The following SNTB1 variants were observed in gnomAD, a reference collection of about 807,000 sequenced individuals.
SNTB1 encodes syntrophin beta 1.
In SNTB1, 36 loss-of-function variants were observed where a neutral mutation model predicts 48.9. The ratio of observed to expected loss-of-function variants is 0.74; its 90% confidence interval spans 0.56 to 0.97. SNTB1 has a LOEUF of 0.97. Ranked by LOEUF, SNTB1 falls within the 50% of genes least tolerant of loss-of-function variation. The probability of loss-of-function intolerance (pLI) is 0.00; values close to 1 mark genes in which losing one functional copy is unlikely to be tolerated. For missense variants in SNTB1, 786 were observed against 703.4 expected, an observed-to-expected ratio of 1.12 and a Z score of -1.33; for synonymous variants, 299 against 294.6, an observed-to-expected ratio of 1.01 and a Z score of -0.15.
intron 2 of SNTB1, among the ~76,000 whole-genome samples, chr8:120,672,457 C>T (rs1183386304): frequency 6.6e-6 from 1 of 152,220 alleles, no homozygotes; most frequent in African/African-American, 2.4e-5. Context: ...CAAAGAATGA[C>T]TTTCAAGGTC....
intron 2 of SNTB1, among the ~76,000 whole-genome samples, chr8:120,648,735 T>A (rs1317852877): frequency 1.3e-5 from 2 of 152,190 alleles, no homozygotes; most frequent in Non-Finnish European, 2.9e-5. Context: ...TTAGGGAAGT[T>A]CTCCTGGATA....
rs79842547 is a variant in SNTB1, at chr8:120,782,577, G to A, written c.571+28696C>T. Among the ~76,000 whole-genome samples the A allele has an allele frequency of 6.8e-3, 1,033 of 151,940 alleles. 12 individuals are homozygous for A. Among genetic ancestry groups the A allele is most frequent in the Non-Finnish European group, 7.2e-3 (490 of 67,958 alleles). On this transcript the variant is annotated intron_variant, in intron 1 of 6. Transcript: ENST00000517992. ...CAGAATGTAATAATAATTTAAATTA[G>A]GCATAAATATGTATACATACATACC...
Position 120,711,081 on chromosome 8 carries a change from G to A in SNTB1, c.572-17173C>T, listed in dbSNP as rs1278614732. On this transcript the variant is annotated intron_variant, in intron 1 of 6. Coordinates refer to ENST00000517992, the MANE Select transcript of SNTB1 (RefSeq NM_021021.4). ...AAACAAAACAAAACCCTACTTTTTGGTGTTGTCTGTGGTAGAACATTGAAA... is the reference window on the plus strand; with the variant it reads ...AAACAAAACAAAACCCTACTTTTTGATGTTGTCTGTGGTAGAACATTGAAA... Among the ~76,000 whole-genome samples the A allele has an allele frequency of 3.3e-5, 5 of 152,158 alleles. No individual in the cohort carries two copies. The East Asian group carries it at 9.7e-4, about 29-fold the overall frequency.
intron 2 of SNTB1, among the ~76,000 whole-genome samples, chr8:120,681,480 T>C (rs1817929984): frequency 6.6e-6 from 1 of 152,146 alleles, no homozygotes; most frequent in Non-Finnish European, 1.5e-5. Context: ...ACAACCTGCA[T>C]GGGCTCAGAA....
chr8:120,540,826 G>A (rs1394265513), intron 6 of SNTB1, among the ~76,000 whole-genome samples: 2 of 152,146 alleles, frequency 1.3e-5, no homozygotes, highest in African/African-American at 4.8e-5. Flanking sequence ...CAAGAAACCT[G>A]GTACTGTCTT....
At chr8:120,605,848 T>C (rs1253945655) in intron 3 of SNTB1, among the ~76,000 whole-genome samples, 1 of 152,126 alleles carries the variant, frequency 6.6e-6, no homozygotes, top group Admixed American at 6.6e-5. Context: ...AAGTGAATGA[T>C]GAAAAGGTGC....
chr8:120,638,632 C>T (rs1363340569), intron 2 of SNTB1, among the ~76,000 whole-genome samples: 1 of 152,092 alleles, frequency 6.6e-6, no homozygotes, highest in African/African-American at 2.4e-5. Flanking sequence ...GTTCAATTCC[C>T]ACCTATGAGT....
chr8:120,657,449 T>G (rs1817521006), intron 2 of SNTB1, among the ~76,000 whole-genome samples: 1 of 152,194 alleles, frequency 6.6e-6, no homozygotes, highest in Admixed American at 6.5e-5. Context: ...GAGGCCTCAT[T>G]CCAGGCTCAT....
At chr8:120,808,046 C>T (rs1215880176) in intron 1 of SNTB1, among the ~76,000 whole-genome samples, 1 of 152,066 alleles carries the variant, frequency 6.6e-6, no homozygotes, top group Admixed American at 6.5e-5. Flanking sequence ...TCCCCAGTAG[C>T]TGAGGTTACA....
At chr8:120,682,506 C>T (rs1209720858) in intron 2 of SNTB1, among the ~76,000 whole-genome samples, 1 of 152,230 alleles carries the variant, frequency 6.6e-6, no homozygotes, top group Non-Finnish European at 1.5e-5. Context: ...TGAACTTCTC[C>T]TTCCCAACCA....
intron 2 of SNTB1, among the ~76,000 whole-genome samples, chr8:120,661,590 A>T (rs1179591793): frequency 3.3e-5 from 5 of 152,148 alleles, no homozygotes; most frequent in Admixed American, 2.6e-4. Context: ...TCAACCCGTC[A>T]TCTAGGTTTT....
chr8:120,615,699 CTT>C (rs1439488710), intron 3 of SNTB1, among the ~76,000 whole-genome samples: 1 of 152,222 alleles, frequency 6.6e-6, no homozygotes, highest in Admixed American at 6.6e-5. Flanking sequence ...AAGCAAGTCT[CTT>C]TAAGTGCAAA....
intron 1 of SNTB1, 49 bp downstream of exon 1, chr8:120,811,224 A>G (rs889621017): frequency 6.5e-7 from 1 of 1,537,732 alleles, no homozygotes; most frequent in Non-Finnish European, 8.7e-7. Flanking sequence ...TGGGAAGCCG[A>G]GCAGGTGTGT....
At chr8:120,674,955 T>A (rs1817811484) in intron 2 of SNTB1, among the ~76,000 whole-genome samples, 1 of 152,228 alleles carries the variant, frequency 6.6e-6, no homozygotes, top group Non-Finnish European at 1.5e-5. Context: ...ATGCTACAGT[T>A]ACACTTAGTT....
At position 120,588,007 on chromosome 8, in the gene SNTB1, T is replaced by G. The variant is rs1329992987; in HGVS notation, c.997-12782A>C. 2.0e-5 allele frequency among the ~76,000 whole-genome samples: 3 copies of G among 152,202 alleles called. No homozygotes were observed. In the East Asian group the frequency reaches 5.8e-4, roughly 29 times the overall value. ...CTGATATGCAGAAATTGACAATTTT[T>G]TTAAAAAAGCTATCTTTTGAAAGGG... On this transcript the variant is annotated intron_variant, in intron 3 of 6. Coordinates refer to ENST00000517992, the MANE Select transcript of SNTB1 (RefSeq NM_021021.4).
rs1203282335 is a variant in SNTB1, at chr8:120,542,029, C to G, written c.1334-29G>C. 81 of 1,586,526 alleles carry G rather than the reference C, an allele frequency of 5.1e-5. No homozygotes were observed. The Admixed American group carries it at 1.4e-3, about 27-fold the overall frequency. ...AGAGAGAAAGAGAGAGAAAAAGAGA[C>G]AAGTATGAACCATGGCAATCAATCC... On this transcript the variant is annotated intron_variant, in intron 5 of 6. Transcript: ENST00000517992.
chr8:120,733,879 A>G (rs1337228147), intron 1 of SNTB1, among the ~76,000 whole-genome samples: 2 of 152,148 alleles, frequency 1.3e-5, no homozygotes, highest in Non-Finnish European at 2.9e-5. Context: ...TTAACATAAG[A>G]CTTTCTCACG....
At chr8:120,605,974 A>G (rs1456041763) in intron 3 of SNTB1, among the ~76,000 whole-genome samples, 1 of 152,070 alleles carries the variant, frequency 6.6e-6, no homozygotes, top group Non-Finnish European at 1.5e-5. Context: ...TAGAATGTCA[A>G]TTAGATTTCG....
chr8:120,725,066 C>A (rs1038595077), intron 1 of SNTB1, among the ~76,000 whole-genome samples: 1 of 152,176 alleles, frequency 6.6e-6, no homozygotes, highest in African/African-American at 2.4e-5. Context: ...CTCCTCAGCT[C>A]CTCTGCTTCA....
Sources: allele counts gnomAD v4.1 joint callset (sites outside exome capture counted in the v4.1 genomes callset), GRCh38; gene constraint gnomAD v4.1.1; transcripts MANE v1.5; gene names NCBI Gene and HGNC (gene_info 2026-07-23, HGNC 2026-07-21).